The following PPM1E variants were observed in gnomAD, a reference collection of about 807,000 sequenced individuals.
The protein encoded by PPM1E is protein phosphatase, Mg2+/Mn2+ dependent 1E.
In PPM1E, 20 loss-of-function variants were observed where a neutral mutation model predicts 65.9. The ratio of observed to expected loss-of-function variants is 0.30; its 90% CI spans 0.21 to 0.44. PPM1E has a LOEUF of 0.44. Among genes scored for constraint, PPM1E ranks in the 20% least tolerant of loss-of-function variants. PPM1E has a pLI of 1.00. For missense variants in PPM1E, 713 were observed against 953.1 expected, an observed-to-expected ratio of 0.75 and a Z score of 3.32; for synonymous variants, 352 against 374.9, an observed-to-expected ratio of 0.94 and a Z score of 0.70.
intron 1 of PPM1E, among the ~76,000 whole-genome samples, chr17:58,813,067 T>C (rs1319702317): frequency 6.6e-6 from 1 of 152,208 alleles, no homozygotes; most frequent in Non-Finnish European, 1.5e-5. Context: ...GAGGGAAATA[T>C]TTTGAATCAC....
intron 1 of PPM1E, among the ~76,000 whole-genome samples, chr17:58,880,470 A>G (rs957782194): frequency 2.0e-5 from 3 of 152,222 alleles, no homozygotes; most frequent in African/African-American, 7.2e-5. Flanking sequence ...TAGGGCAGTG[A>G]GAGTCTGAAA....
At chr17:58,809,284 T>C (rs892905799) in intron 1 of PPM1E, among the ~76,000 whole-genome samples, 1 of 152,094 alleles carries the variant, frequency 6.6e-6, no homozygotes, top group Non-Finnish European at 1.5e-5. Context: ...GAGAAGGGTC[T>C]TACTATATTG....
At chr17:58,826,119 T>C (rs1332515126) in intron 1 of PPM1E, among the ~76,000 whole-genome samples, 1 of 150,926 alleles carries the variant, frequency 6.6e-6, no homozygotes, top group Non-Finnish European at 1.5e-5. Context: ...TGAAACCCCG[T>C]CTCTACTAAA....
At chr17:58,871,171 G>A (rs1401359527) in intron 1 of PPM1E, among the ~76,000 whole-genome samples, 1 of 151,966 alleles carries the variant, frequency 6.6e-6, no homozygotes, top group Non-Finnish European at 1.5e-5. Flanking sequence ...CAAGTAGCTG[G>A]GACTACAGGT....
intron 1 of PPM1E, among the ~76,000 whole-genome samples, chr17:58,897,419 AAAAAAAG>A (rs1254347011): frequency 6.5e-4 from 99 of 152,164 alleles, no homozygotes; most frequent in African/African-American, 2.2e-3. Context: ...ATCTAAAAAA[AAAAAAAG>A]AAAAAAGAAA....
chr17:58,805,971 AAACAAAAAAAAAACAAAAC>A (rs1265672611), intron 1 of PPM1E, among the ~76,000 whole-genome samples: 19 of 118,986 alleles, frequency 1.6e-4, no homozygotes, highest in South Asian at 5.8e-4. Flanking sequence ...CAAAAAAAAA[AAACAAAAAAAAAACAAAAC>A]AAAACAAAAC....
intron 1 of PPM1E, among the ~76,000 whole-genome samples, chr17:58,840,229 G>A (rs1414808398): frequency 6.6e-6 from 1 of 152,150 alleles, no homozygotes; most frequent in Non-Finnish European, 1.5e-5. Flanking sequence ...GATCACTCAA[G>A]CCTTGGTGTC....
intron 1 of PPM1E, among the ~76,000 whole-genome samples, chr17:58,919,681 G>A (rs1255807176): frequency 6.6e-6 from 1 of 152,002 alleles, no homozygotes; most frequent in Admixed American, 6.6e-5. Context: ...CAGCTACCCA[G>A]GAGGCTGAGG....
rs554069906 is a variant in PPM1E, at chr17:58,883,254, G to A, written c.465-72395G>A. Among the ~76,000 whole-genome samples the A allele has an allele frequency of 2.3e-4, 35 of 151,706 alleles. 3 individuals carry two copies. The South Asian group carries it at 6.2e-3, about 27-fold the overall frequency. On this transcript the variant is annotated intron_variant, in intron 1 of 6. Coordinates refer to ENST00000308249, the MANE Select transcript of PPM1E (RefSeq NM_014906.5). ...ATTACAGGTGTGAGCCACCGCGCCC[G>A]GCCTGTTATTACATTTTTAATTTAT...
At chr17:58,785,461 TA>T (rs1169339701) in intron 1 of PPM1E, 846 of 68,142 alleles carry the variant, frequency 0.012, 22 homozygotes, top group African/African-American at 0.032. Flanking sequence ...GGCTAATTTA[TA>T]TATATATATA....
At chr17:58,828,875 A>G (rs536605683) in intron 1 of PPM1E, among the ~76,000 whole-genome samples, 1 of 152,184 alleles carries the variant, frequency 6.6e-6, no homozygotes, top group Non-Finnish European at 1.5e-5. Flanking sequence ...TTATTCTAGA[A>G]GATAAAGATT....
chr17:58,815,774 T>C (rs1257379069), intron 1 of PPM1E, among the ~76,000 whole-genome samples: 2 of 152,180 alleles, frequency 1.3e-5, no homozygotes, highest in African/African-American at 4.8e-5. Context: ...GAGAAGATTA[T>C]GATGTTGAAT....
chr17:58,886,298 A>C (rs2051264703), intron 1 of PPM1E, among the ~76,000 whole-genome samples: 1 of 152,186 alleles, frequency 6.6e-6, no homozygotes, highest in African/African-American at 2.4e-5. Flanking sequence ...TATTGCATTT[A>C]ACTATACTAT....
At chr17:58,762,520 G>T (rs1440744053) in intron 1 of PPM1E, among the ~76,000 whole-genome samples, 1 of 151,918 alleles carries the variant, frequency 6.6e-6, no homozygotes, top group African/African-American at 2.4e-5. Flanking sequence ...GATAATGCAA[G>T]TGTAAGAAAC....
At chr17:58,939,217 T>A (rs565569690) in intron 1 of PPM1E, among the ~76,000 whole-genome samples, 2 of 152,284 alleles carry the variant, frequency 1.3e-5, no homozygotes, top group South Asian at 2.1e-4. Flanking sequence ...CTATTGAAGG[T>A]TATTAGAATG....
At chr17:58,958,193 T>A (rs959755539) in intron 2 of PPM1E, among the ~76,000 whole-genome samples, 15 of 151,690 alleles carry the variant, frequency 9.9e-5, no homozygotes, top group African/African-American at 1.2e-4. Context: ...AATTATTATT[T>A]TTATTTTTAT....
intron 2 of PPM1E, among the ~76,000 whole-genome samples, chr17:58,959,837 A>T (rs912191039): frequency 5.9e-5 from 9 of 152,212 alleles, no homozygotes; most frequent in African/African-American, 2.2e-4. Flanking sequence ...GGAAGTCTAT[A>T]GCACAACTTT....
intron 6 of PPM1E, among the ~76,000 whole-genome samples, chr17:58,976,276 C>T (rs1347771440): frequency 2.0e-5 from 3 of 152,050 alleles, no homozygotes; most frequent in African/African-American, 7.2e-5. Flanking sequence ...GGGAGAATCT[C>T]TACAGATTAA....
chr17:58,776,386 A>G (rs1338182452), intron 1 of PPM1E, among the ~76,000 whole-genome samples: 1 of 152,226 alleles, frequency 6.6e-6, no homozygotes, highest in African/African-American at 2.4e-5. Context: ...TTTAATTTTC[A>G]GAAGCTGTTA....
Sources: gnomAD v4.1 joint callset for allele counts (sites outside exome capture counted in the v4.1 genomes callset) on GRCh38, gnomAD v4.1.1 for gene constraint, MANE v1.5 for transcripts, NCBI Gene and HGNC (gene_info 2026-07-23, HGNC 2026-07-21) for gene names.